The following PLCB1 variants were observed in gnomAD, a reference collection of about 807,000 sequenced individuals.
The protein encoded by PLCB1 is phospholipase C beta 1.
PLCB1 carries 46 observed loss-of-function variants against 161.8 expected under a neutral mutation model. That is an observed-to-expected ratio of 0.28 (90% CI 0.22 to 0.36). The LOEUF (loss-of-function observed/expected upper bound fraction) is 0.36. Among genes scored for constraint, PLCB1 ranks in the 10% least tolerant of loss-of-function variants. The pLI, the probability that PLCB1 is intolerant of heterozygous loss-of-function variation, is 1.00. For missense variants in PLCB1, 1,016 were observed against 1,472.5 expected (o/e 0.69, Z 5.07); for synonymous variants, 517 against 503.7 (o/e 1.03, Z -0.35).
At chr20:8,323,534 A>G (rs1191176106) in intron 2 of PLCB1, among the ~76,000 whole-genome samples, 1 of 152,050 alleles carries the variant, frequency 6.6e-6, no homozygotes, top group African/African-American at 2.4e-5. Flanking sequence ...CTCTCTCCTT[A>G]TGGCCTCTCC....
At chr20:8,651,412 G>A (rs1267408983) in intron 7 of PLCB1, 1 of 720,762 alleles carries the variant, frequency 1.4e-6, no homozygotes, top group South Asian at 1.5e-5. Context: ...TTCTTCTATA[G>A]GTGGAAAAAG....
intron 3 of PLCB1, among the ~76,000 whole-genome samples, chr20:8,488,871 A>T (rs1459033431): frequency 2.0e-5 from 3 of 152,230 alleles, no homozygotes; most frequent in Admixed American, 6.5e-5. Flanking sequence ...TAATGACTTT[A>T]TCCTGGACAG....
intron 3 of PLCB1, among the ~76,000 whole-genome samples, chr20:8,413,836 T>C (rs139214937): frequency 2.0e-3 from 309 of 152,352 alleles, no homozygotes; most frequent in African/African-American, 6.7e-3. Flanking sequence ...CTCTGGTGTC[T>C]TCTATGGATG....
At chr20:8,527,359 T>A (rs1427328059) in intron 3 of PLCB1, among the ~76,000 whole-genome samples, 1 of 152,108 alleles carries the variant, frequency 6.6e-6, no homozygotes, top group Non-Finnish European at 1.5e-5. Flanking sequence ...GGAATAAAAG[T>A]TCTATTTTAT....
At chr20:8,765,972 C>G (rs773976736) in intron 26 of PLCB1, among the ~76,000 whole-genome samples, 8 of 152,158 alleles carry the variant, frequency 5.3e-5, no homozygotes, top group Non-Finnish European at 8.8e-5. Context: ...AGCCACCATG[C>G]CTGCCCACAA....
intron 2 of PLCB1, among the ~76,000 whole-genome samples, chr20:8,217,553 G>T (rs1979196872): frequency 6.6e-6 from 1 of 152,118 alleles, no homozygotes; most frequent in African/African-American, 2.4e-5. Flanking sequence ...GTGAGACTGT[G>T]ATATCAATGA....
intron 2 of PLCB1, among the ~76,000 whole-genome samples, chr20:8,367,604 T>C (rs912513610): frequency 6.6e-6 from 1 of 152,106 alleles, no homozygotes. Flanking sequence ...CAAACCCAAG[T>C]TTTCTGCAAT....
intron 23 of PLCB1, among the ~76,000 whole-genome samples, chr20:8,752,647 G>C (rs144898323): frequency 0.021 from 3,170 of 152,056 alleles, 91 homozygotes; most frequent in African/African-American, 0.073. Context: ...ACAAAAATTA[G>C]CTGGGCATGG....
intron 2 of PLCB1, among the ~76,000 whole-genome samples, chr20:8,342,671 A>G (rs1304571075): frequency 6.6e-6 from 1 of 152,118 alleles, no homozygotes; most frequent in Non-Finnish European, 1.5e-5. Context: ...GAAACCCTGA[A>G]CTGAGTCTAA....
intron 3 of PLCB1, among the ~76,000 whole-genome samples, chr20:8,439,865 C>A (rs1463793697): frequency 2.6e-5 from 4 of 151,928 alleles, no homozygotes; most frequent in Admixed American, 2.6e-4. Flanking sequence ...TAAAAGCTTT[C>A]TTTGACTAAG....
intron 2 of PLCB1, among the ~76,000 whole-genome samples, chr20:8,255,551 C>T (rs1400285489): frequency 1.3e-5 from 2 of 151,878 alleles, no homozygotes; most frequent in Non-Finnish European, 2.9e-5. Flanking sequence ...CTTATAATTC[C>T]TGAGTTCATA....
At chr20:8,523,640 A>C (rs1026535640) in intron 3 of PLCB1, among the ~76,000 whole-genome samples, 3 of 150,672 alleles carry the variant, frequency 2.0e-5, no homozygotes, top group African/African-American at 7.4e-5. Context: ...TATAGTGAAT[A>C]GTTGGCCACA....
Position 8,433,274 on chromosome 20 carries a change from C to A in PLCB1, c.246+61824C>A, listed in dbSNP as rs149797509. On this transcript the variant is annotated intron_variant, in intron 3 of 31. Coordinates refer to ENST00000338037, the MANE Select transcript of PLCB1 (RefSeq NM_015192.4). Reference sequence around the variant, plus strand: ...CTGTAAAGTTTTAACCGTGAACTTTCTATTAACTGTAAAGTATAATTTAAC... The same window carrying A: ...CTGTAAAGTTTTAACCGTGAACTTTATATTAACTGTAAAGTATAATTTAAC... Among the ~76,000 whole-genome samples, 478 of 152,244 alleles carry A rather than the reference C, an allele frequency of 3.1e-3. 3 individuals carry two copies. The highest frequency in any genetic ancestry group is 5.1e-3 in the Non-Finnish European group (345 of 68,012).
chr20:8,701,685 A>T (rs1164743591), intron 11 of PLCB1, among the ~76,000 whole-genome samples: 1 of 152,178 alleles, frequency 6.6e-6, no homozygotes, highest in Non-Finnish European at 1.5e-5. Context: ...ATCTGTCCCA[A>T]GTTCTCTTCT....
At chr20:8,751,234 G>A (rs6039252) in intron 23 of PLCB1, 39,939 of 186,688 alleles carry the variant, frequency 0.21, 4,341 homozygotes, top group Middle Eastern at 0.3. Context: ...ATGAGCCACC[G>A]CGCCCGGCCG....
intron 11 of PLCB1, among the ~76,000 whole-genome samples, chr20:8,703,602 A>G (rs1421094365): frequency 6.6e-6 from 1 of 152,188 alleles, no homozygotes; most frequent in Non-Finnish European, 1.5e-5. Context: ...ATGAGCTTGG[A>G]TGCTCCACTG....
chr20:8,486,362 C>T (rs1024874927), intron 3 of PLCB1, among the ~76,000 whole-genome samples: 1 of 151,824 alleles, frequency 6.6e-6, no homozygotes, highest in Non-Finnish European at 1.5e-5. Context: ...GCCATGGTTA[C>T]TTTTCCCTTT....
intron 14 of PLCB1, among the ~76,000 whole-genome samples, chr20:8,720,488 ACGTGACAGGTATTGTATTTCAAAG>A (rs2070801389): frequency 6.6e-6 from 1 of 152,118 alleles, no homozygotes; most frequent in Non-Finnish European, 1.5e-5. Flanking sequence ...AACTTGAAAA[ACGTGACAGGTATTGTATTTCAAAG>A]CTAGTTTACT....
At chr20:8,394,611 G>C (rs904082084) in intron 3 of PLCB1, among the ~76,000 whole-genome samples, 1 of 152,072 alleles carries the variant, frequency 6.6e-6, no homozygotes, top group African/African-American at 2.4e-5. Flanking sequence ...CTATTTCTCA[G>C]GGTTATTGTG....
Sources: allele counts gnomAD v4.1 joint callset (sites outside exome capture counted in the v4.1 genomes callset), GRCh38; gene constraint gnomAD v4.1.1; transcripts MANE v1.5; gene names NCBI Gene and HGNC (gene_info 2026-07-23, HGNC 2026-07-21).